BAP1: variants seen among roughly 807,000 people sequenced by gnomAD.
The protein encoded by BAP1 is BRCA1 associated deubiquitinase 1.
BAP1 carries 16 observed loss-of-function variants against 77.2 expected under a neutral mutation model. The ratio of observed to expected loss-of-function variants is 0.21; its 90% CI spans 0.14 to 0.31. The LOEUF is 0.31. Among genes scored for constraint, BAP1 ranks in the 10% least tolerant of loss-of-function variants. BAP1 has a pLI of 1.00. For missense variants in BAP1, 699 were observed against 967.3 expected (o/e 0.72, Z 3.68); for synonymous variants, 362 against 385.2 (o/e 0.94, Z 0.71).
rs1471023694 is a variant in BAP1, at chr3:52,406,513, G to A, written c.660-137C>T. 2.2e-6 allele frequency: 3 copies of A among 1,359,070 alleles called. No homozygotes were observed. Among genetic ancestry groups the A allele is most frequent in the Non-Finnish European group, 3.0e-6 (3 of 986,054 alleles). The allele number at this position is 1,359,070 out of a possible 1,614,324, so 84.2% of individuals were successfully genotyped here. ...GGCCCCACCCCAACAGGCAGGCAGC[G>A]ACTAGCCATACATGCCAGGCACCTG... On this transcript the variant is annotated intron_variant, in intron 8 of 16. Coordinates refer to ENST00000460680, the MANE Select transcript of BAP1 (RefSeq NM_004656.4). The surrounding 1 kb of genome is among the most constrained non-coding windows in gnomAD (Gnocchi z 4.6).
intron 2 of BAP1, 24 bp downstream of exon 2, chr3:52,409,690 C>A (rs367696718): frequency 2.5e-6 from 4 of 1,614,166 alleles, no homozygotes; most frequent in Non-Finnish European, 8.5e-7. Flanking sequence ...CAGCCCCGGT[C>A]CGGCAGGGAG....
chr3:52,407,605 G>T, intron 5 of BAP1, 145 bp from the exon 6 acceptor site: 1 of 1,126,864 alleles, frequency 8.9e-7, no homozygotes, highest in Non-Finnish European at 1.3e-6. Flanking sequence ...GCTGGTGGGG[G>T]CAGAAAAGAG....
rs373389805 is a variant in BAP1, at chr3:52,409,634, G to A, written c.68-26C>T. 9.8e-5 allele frequency: 158 copies of A among 1,614,212 alleles called. 1 individual carries two copies. The Middle Eastern group carries it at 2.8e-3, about 29-fold the overall frequency. On this transcript the variant is annotated intron_variant, in intron 2 of 16. Transcript: ENST00000460680. ...CTGCGATGAGGAAAGGAAAGCAGTAGGGAAGGACAGCCCCTGATGAGTGAG... is the reference window on the plus strand; with the variant it reads ...CTGCGATGAGGAAAGGAAAGCAGTAAGGAAGGACAGCCCCTGATGAGTGAG...
At position 52,406,637 on chromosome 3, in the gene BAP1, G is replaced by A. The variant is rs1349269383; in HGVS notation, c.659+192C>T. On this transcript the variant is annotated intron_variant, in intron 8 of 16. Coordinates refer to ENST00000460680, the MANE Select transcript of BAP1 (RefSeq NM_004656.4). The surrounding 1 kb of genome is among the most constrained non-coding windows in gnomAD (Gnocchi z 4.6). ...TCCACTGAGGCCTGCCCCTCCCCCA[G>A]CCCACCCAGGAGCAGGCCACAGGCA... The A allele has an allele frequency of 5.0e-6, 4 of 798,780 alleles. No homozygotes were observed. In the East Asian group the frequency reaches 8.5e-5, roughly 17 times the overall value. 49.5% of individuals were successfully genotyped at this position (798,780 alleles called of 1,614,324 possible).
rs1270986936 is a variant in BAP1 at position 52,405,836 on chromosome 3, G to A, written c.860C>T (p.Ser287Leu). The A allele has an allele frequency of 3.1e-6, 5 of 1,614,010 alleles. No homozygotes were observed. The African/African-American group carries it at 6.7e-5, about 22-fold the overall frequency. ...CACCAGCGGGGACTTGTTGCTGGCT[G>A]ACTTGGACTCCTCAGGCAGCTGTGA... ...QESQLPEESK[S>L]ASNKSPLVLE... Residue 287 changes from serine (S) to leucine (L), a missense_variant, in exon 10 of 17, where the codon TCA becomes TTA. Around this residue, in one of 3 missense-constraint regions of BAP1, gnomAD observed 475 missense variants for 532.4 expected, o/e 0.89. Coordinates refer to ENST00000460680, the MANE Select transcript of BAP1 (RefSeq NM_004656.4).
rs1704968880 is a variant in BAP1, at chr3:52,401,939, T to C, written c.*349A>G. On this transcript the variant is annotated 3_prime_UTR_variant, in exon 17 of 17. Transcript: ENST00000460680. ...GAACTTATGTCAACATGGTGGCATG[T>C]TGGGTTGGAGCCCAGAAAAATAGAT... 5 of 432,214 alleles carry C rather than the reference T, an allele frequency of 1.2e-5. 1 individual carries two copies. In the Admixed American group the frequency reaches 1.2e-4, roughly 10 times the overall value. 26.8% of individuals were successfully genotyped at this position (432,214 alleles called of 1,614,324 possible). A position where few individuals can be genotyped will look rare whatever the true frequency, so the allele number is the denominator to read the frequency against.
At chr3:52,407,852 G>A in intron 5 of BAP1, 106 bp downstream of exon 5, 1 of 1,526,820 alleles carries the variant, frequency 6.5e-7, no homozygotes, top group Non-Finnish European at 9.0e-7. Flanking sequence ...ATTTGAAAAA[G>A]AAACAGCCTA....
chr3:52,406,946 C>T lies in BAP1; in HGVS notation c.581-39G>A, dbSNP rs1040181042. Reference sequence around the variant, plus strand: ...AGACAAGGAATCAGCGAGAAGGAAACCCTGAGTTTGGGCAGGCCAGGAGTG... The same window carrying T: ...AGACAAGGAATCAGCGAGAAGGAAATCCTGAGTTTGGGCAGGCCAGGAGTG... On this transcript the variant is annotated intron_variant, in intron 7 of 16. Coordinates refer to ENST00000460680, the MANE Select transcript of BAP1 (RefSeq NM_004656.4). The surrounding 1 kb of genome is among the most constrained non-coding windows in gnomAD (Gnocchi z 4.6). 7 of 1,555,068 alleles carry T rather than the reference C, an allele frequency of 4.5e-6. No individual in the cohort carries two copies. In the East Asian group the frequency reaches 1.7e-4, roughly 37 times the overall value.
At position 52,407,160 on chromosome 3, in the gene BAP1, C is replaced by T. The variant is rs1388007413; in HGVS notation, c.580+14G>A. On this transcript the variant is annotated intron_variant, in intron 7 of 16. Coordinates refer to ENST00000460680, the MANE Select transcript of BAP1 (RefSeq NM_004656.4). ...GCAGAGACACCCAACAGGCCTCCAGCTCATGGTGCCTACCATGGTCAATGG... is the reference window on the plus strand; with the variant it reads ...GCAGAGACACCCAACAGGCCTCCAGTTCATGGTGCCTACCATGGTCAATGG... 1.2e-6 allele frequency: 2 copies of T among 1,613,524 alleles called. No individual in the cohort carries two copies. The highest frequency in any genetic ancestry group is 1.7e-6 in the Non-Finnish European group (2 of 1,180,036).
At position 52,406,402 on chromosome 3, in the gene BAP1, A is replaced by T. The variant is rs139414598; in HGVS notation, c.660-26T>A. Reference sequence around the variant, plus strand: ...CTGCAGTCACAGCCGCAGCCGTGAGAGCAGCTCCCGCCCCGGCCCCGCCAT... The same window carrying T: ...CTGCAGTCACAGCCGCAGCCGTGAGTGCAGCTCCCGCCCCGGCCCCGCCAT... On this transcript the variant is annotated intron_variant, in intron 8 of 16. Coordinates refer to ENST00000460680, the MANE Select transcript of BAP1 (RefSeq NM_004656.4). The surrounding 1 kb of genome is among the most constrained non-coding windows in gnomAD (Gnocchi z 4.6). The T allele has an allele frequency of 5.7e-3, 9,148 of 1,611,800 alleles. 70 individuals are homozygous for T. Among genetic ancestry groups the T allele is most frequent in the South Asian group, 0.023 (2,124 of 91,048 alleles).
In BAP1 at chr3:52,405,727, G is replaced by A. The variant is rs1483111380; in HGVS notation, c.931+38C>T. 4 of 1,611,076 alleles carry A rather than the reference G, an allele frequency of 2.5e-6. No individual in the cohort carries two copies. In the East Asian group the frequency reaches 8.9e-5, roughly 36 times the overall value. ...CTCCCATGTCAGACATTAGCGGGTG[G>A]CTCTGAGGTCCACAAGAGGTCCCAA... On this transcript the variant is annotated intron_variant, in intron 10 of 16. Transcript: ENST00000460680.
In BAP1 at chr3:52,409,544, A is replaced by G. The variant is rs1705290876; in HGVS notation, c.122+10T>C. 1 of 1,614,008 alleles carries G rather than the reference A, an allele frequency of 6.2e-7. No homozygotes were observed. Among genetic ancestry groups the G allele is most frequent in the South Asian group, 1.1e-5 (1 of 91,092 alleles). On this transcript the variant is annotated intron_variant, in intron 3 of 16. Transcript: ENST00000460680. Reference sequence around the variant, plus strand: ...GGTGTAAGGGGCAGCCCTGGTGTACAGCCACTCACCCCTGACATTTGCTCT... The same window carrying G: ...GGTGTAAGGGGCAGCCCTGGTGTACGGCCACTCACCCCTGACATTTGCTCT...
rs969566600 is a variant in BAP1 at position 52,406,719 on chromosome 3, C to G, written c.659+110G>C. On this transcript the variant is annotated intron_variant, in intron 8 of 16. Coordinates refer to ENST00000460680, the MANE Select transcript of BAP1 (RefSeq NM_004656.4). This position sits in a 1 kb window ranked among gnomAD's most constrained non-coding sequence, Gnocchi z 4.6. ...AACCCATGATCTAAGCCTGATCTTGCCAGATTCACCATATGGCCTTGCAAT... is the reference window on the plus strand; with the variant it reads ...AACCCATGATCTAAGCCTGATCTTGGCAGATTCACCATATGGCCTTGCAAT... 17 of 1,271,306 alleles carry G rather than the reference C, an allele frequency of 1.3e-5. 1 individual carries two copies. In the African/African-American group the frequency reaches 2.5e-4, roughly 19 times the overall value. The allele number at this position is 1,271,306 out of a possible 1,614,324, so 78.8% of individuals were successfully genotyped here.
chr3:52,407,072 A>AC, intron 7 of BAP1, 102 bp downstream of exon 7: 2 of 1,586,804 alleles, frequency 1.3e-6, no homozygotes, highest in African/African-American at 2.7e-5. Flanking sequence ...GTCGGTACCG[A>AC]CAACCCCTGC....
chr3:52,408,612 G>GA lies in BAP1; in HGVS notation c.123-7_123-6insT, dbSNP rs749798176. 6.2e-7 allele frequency: 1 copy of GA among 1,608,070 alleles called. No homozygotes were observed. Among genetic ancestry groups the GA allele is most frequent in the Non-Finnish European group, 8.5e-7 (1 of 1,177,400 alleles). On this transcript the variant is annotated splice_region_variant and splice_polypyrimidine_tract_variant and intron_variant, in intron 3 of 16. Transcript: ENST00000460680. ...AGATAAATCCATATACAGGGCTGGG[G>GA]GAAGTAAGGGGCAGAGCCAGATCAG...
At position 52,405,185 on chromosome 3, in the gene BAP1, G is replaced by A. The variant is rs1553645289; in HGVS notation, c.1041C>T (p.His347=). The A allele has an allele frequency of 6.2e-7, 1 of 1,614,142 alleles. No homozygotes were observed. Among genetic ancestry groups the A allele is most frequent in the South Asian group, 1.1e-5 (1 of 91,088 alleles). Reference sequence around the variant, plus strand: ...GCTGGACAATGGGAGTGGGGTTGGGGTGAACCCCATTGAGGCTGCTGCCTG... The same window carrying A: ...GCTGGACAATGGGAGTGGGGTTGGGATGAACCCCATTGAGGCTGCTGCCTG... The part of the protein sequence containing the change: ...KPPGSSLNGV[H]PNPTPIVQRL... The change falls in exon 11 of 17, where the codon CAC becomes CAT. Residue 347 remains histidine, a synonymous_variant. Coordinates refer to ENST00000460680, the MANE Select transcript of BAP1 (RefSeq NM_004656.4).
chr3:52,403,648 G>T lies in BAP1; in HGVS notation c.1497C>A (p.Ile499=). ...SNESTDTASE[I]GSAFNSPLRS... Reference sequence around the variant, plus strand: ...GCAGTGGCGAGTTGAAAGCACTGCCGATCTCAGAGGCCGTGTCTGTACTCT... The same window carrying T: ...GCAGTGGCGAGTTGAAAGCACTGCCTATCTCAGAGGCCGTGTCTGTACTCT... Residue 499 remains isoleucine (I), a synonymous_variant, in exon 13 of 17, where the codon ATC becomes ATA. Transcript: ENST00000460680. This position sits in a 1 kb window ranked among gnomAD's most constrained non-coding sequence, Gnocchi z 4.0. 6.2e-7 allele frequency: 1 copy of T among 1,613,714 alleles called. No individual in the cohort carries two copies. Among genetic ancestry groups the T allele is most frequent in the Non-Finnish European group, 8.5e-7 (1 of 1,179,674 alleles).
In BAP1 at chr3:52,407,452, T is replaced by G. The variant is rs777514791; in HGVS notation, c.384A>C (p.Gly128=). The G allele has an allele frequency of 1.5e-5, 25 of 1,614,126 alleles. No individual in the cohort carries two copies. The highest frequency in any genetic ancestry group is 7.6e-6 in the Non-Finnish European group (9 of 1,180,036). The part of the protein sequence containing the change: ...FTKGFSPESK[G]YAIGNAPELA... ...ACTCCGGGGCATTGCCAATCGCATATCCTTTGCTCTACGGGGAAGAAAATA... is the reference window on the plus strand; with the variant it reads ...ACTCCGGGGCATTGCCAATCGCATAGCCTTTGCTCTACGGGGAAGAAAATA... Residue 128 remains glycine, a synonymous_variant, in exon 6 of 17, where the codon GGA becomes GGC. Coordinates refer to ENST00000460680, the MANE Select transcript of BAP1 (RefSeq NM_004656.4).
Position 52,406,590 on chromosome 3 carries a change from G to T in BAP1, c.660-214C>A. The T allele has an allele frequency of 1.1e-6, 1 of 898,324 alleles. No individual in the cohort carries two copies. The highest frequency in any genetic ancestry group is 1.7e-6 in the Non-Finnish European group (1 of 584,380). 55.6% of individuals were successfully genotyped at this position (898,324 alleles called of 1,614,324 possible). A position where few individuals can be genotyped will look rare whatever the true frequency, so the allele number is the denominator to read the frequency against. Reference sequence around the variant, plus strand: ...GAGGGGCCTATCTGGAAGTGAACCAGCAGACCTGGGCTGCCTAAGGCTCCA... The same window carrying T: ...GAGGGGCCTATCTGGAAGTGAACCATCAGACCTGGGCTGCCTAAGGCTCCA... On this transcript the variant is annotated intron_variant, in intron 8 of 16. Transcript: ENST00000460680. The surrounding 1 kb of genome is among the most constrained non-coding windows in gnomAD (Gnocchi z 4.6).
Sources: gnomAD v4.1 joint callset for allele counts on GRCh38, gnomAD v4.1.1 for gene constraint, gnomAD v4.1.1 regional missense constraint, Gnocchi (gnomAD v3.1) non-coding constraint, MANE v1.5 for transcripts, NCBI Gene and HGNC (gene_info 2026-07-23, HGNC 2026-07-21) for gene names.